HDAC4: variants seen among roughly 807,000 people sequenced by gnomAD.
The protein encoded by HDAC4 is histone deacetylase A.
A neutral mutation model predicts 135.1 loss-of-function variants in HDAC4; 16 were observed. That is an observed-to-expected ratio of 0.12 (90% confidence interval 0.08 to 0.18). The LOEUF is 0.18. Ranked by LOEUF, HDAC4 falls within the 10% of genes least tolerant of loss-of-function variation. HDAC4 has a pLI of 1.00. For missense variants in HDAC4, 1,143 were observed against 1,511.8 expected (o/e 0.76, Z 4.05); for synonymous variants, 685 against 653.4 (o/e 1.05, Z -0.74).
At chr2:239,158,004 G>A (rs1471781485) in intron 6 of HDAC4, among the ~76,000 whole-genome samples, 2 of 152,216 alleles carry the variant, frequency 1.3e-5, no homozygotes, top group African/African-American at 4.8e-5. Context: ...ACCCCAAGCA[G>A]CTTCTCGCTG....
Position 239,176,480 on chromosome 2 carries a change from C to T in HDAC4, c.423G>A (p.Gln141=). 6.2e-7 allele frequency: 1 copy of T among 1,613,580 alleles called. No individual in the cohort carries two copies. Among genetic ancestry groups the T allele is most frequent in the South Asian group, 1.1e-5 (1 of 91,072 alleles). The change falls in exon 5 of 27, where the codon CAG becomes CAA. Residue 141 remains glutamine (Q), a synonymous_variant. Transcript: ENST00000543185. The part of the protein sequence containing the change: ...QRKLERHRQE[Q]ELEKQHREQK... ...GCTCCCGGTGCTGCTTCTCCAGCTCCTGCTCCTGGCGGTGCCTCTCCAGCT... is the reference window on the plus strand; with the variant it reads ...GCTCCCGGTGCTGCTTCTCCAGCTCTTGCTCCTGGCGGTGCCTCTCCAGCT...
At position 239,308,991 on chromosome 2, in the gene HDAC4, G is replaced by A. The variant is rs962017964; in HGVS notation, c.22+43687C>T. 1.3e-5 allele frequency: 2 copies of A among 152,150 alleles called. No individual in the cohort carries two copies. The highest frequency in any genetic ancestry group is 4.8e-5 in the African/African-American group (2 of 41,422). 9.4% of individuals were successfully genotyped at this position (152,150 alleles called of 1,614,324 possible). On this transcript the variant is annotated intron_variant, in intron 2 of 26. Transcript: ENST00000543185. This position sits in a 1 kb window ranked among gnomAD's most constrained non-coding sequence, Gnocchi z 4.2. ...AACGGATTCTTGATAACAAGCCGCC[G>A]GCTCGCTGGAAGACACTGAGCAGTT...
At chr2:239,276,618 C>A (rs2050380952) in intron 2 of HDAC4, among the ~76,000 whole-genome samples, 1 of 152,202 alleles carries the variant, frequency 6.6e-6, no homozygotes, top group Non-Finnish European at 1.5e-5. Flanking sequence ...CAGGCCACTT[C>A]CTGGACATTG....
In HDAC4 at chr2:239,240,071, G is replaced by T. The variant is rs1461115679; in HGVS notation, c.23-3407C>A. Among the ~76,000 whole-genome samples, 2 of 152,264 alleles carry T rather than the reference G, an allele frequency of 1.3e-5. No individual in the cohort carries two copies. Among genetic ancestry groups the T allele is most frequent in the African/African-American group, 4.8e-5 (2 of 41,474 alleles). On this transcript the variant is annotated intron_variant, in intron 2 of 26. Coordinates refer to ENST00000543185, the MANE Select transcript of HDAC4 (RefSeq NM_001378414.1). This position sits in a 1 kb window ranked among gnomAD's most constrained non-coding sequence, Gnocchi z 4.5. ...GATGCCGCATCCCTCATTATGAAAG[G>T]CTGGGGCTCAGGGCAGCAGCCATGA...
chr2:239,391,320 G>T (rs1471565030), intron 1 of HDAC4, among the ~76,000 whole-genome samples: 1 of 152,214 alleles, frequency 6.6e-6, no homozygotes, highest in East Asian at 1.9e-4. Flanking sequence ...GCAGACGAGA[G>T]CTTGTTCTCA....
At chr2:239,124,871 G>A (rs1458194316) in intron 12 of HDAC4, among the ~76,000 whole-genome samples, 4 of 103,606 alleles carry the variant, frequency 3.9e-5, no homozygotes, top group Non-Finnish European at 5.9e-5. Context: ...GTGTGCTGGC[G>A]TGTGGCCGCG....
rs546507175 is a variant in HDAC4 at position 239,376,986 on chromosome 2, A to G, written c.-220+23992T>C. 1.4e-4 allele frequency among the ~76,000 whole-genome samples: 22 copies of G among 152,274 alleles called. 1 individual carries two copies. In the South Asian group the frequency reaches 2.9e-3, roughly 20 times the overall value. On this transcript the variant is annotated intron_variant, in intron 1 of 26. Transcript: ENST00000543185. ...TATTCCACGCCCGTCCCTCCTGGAC[A>G]TAGACCACTTCCTTACTCACACCAC...
chr2:239,246,859 C>T (rs568016836), intron 2 of HDAC4, among the ~76,000 whole-genome samples: 27 of 152,366 alleles, frequency 1.8e-4, no homozygotes, highest in African/African-American at 6.5e-4. Context: ...AGGATGTCCA[C>T]TGCCCAGTGG....
intron 5 of HDAC4, among the ~76,000 whole-genome samples, chr2:239,172,744 C>T (rs1309627331): frequency 2.0e-5 from 3 of 151,584 alleles, no homozygotes; most frequent in African/African-American, 7.3e-5. Flanking sequence ...AGAGAGTGAC[C>T]AAGAAAAACA....
intron 2 of HDAC4, among the ~76,000 whole-genome samples, chr2:239,337,268 ACT>A (rs1201158809): frequency 6.6e-6 from 1 of 152,048 alleles, no homozygotes; most frequent in Non-Finnish European, 1.5e-5. Context: ...TGCACGTGAG[ACT>A]CAGCTGTACT....
At chr2:239,155,460 C>A (rs1216687610) in intron 7 of HDAC4, 2 of 152,948 alleles carry the variant, frequency 1.3e-5, no homozygotes, top group Non-Finnish European at 2.9e-5. Context: ...TGGGACATGG[C>A]CGACCTGATA....
intron 2 of HDAC4, among the ~76,000 whole-genome samples, chr2:239,269,534 C>G (rs1025648773): frequency 1.3e-5 from 2 of 152,230 alleles, no homozygotes; most frequent in African/African-American, 4.8e-5. Flanking sequence ...CTCCATTCTT[C>G]AGAACCCCAG....
chr2:239,078,317 G>A (rs536328474), intron 22 of HDAC4, among the ~76,000 whole-genome samples: 15 of 152,252 alleles, frequency 9.9e-5, no homozygotes, highest in East Asian at 9.7e-4. Flanking sequence ...TCTTTTCTTC[G>A]TCTTAGGCTT....
chr2:239,362,697 C>T (rs367781975), intron 1 of HDAC4, among the ~76,000 whole-genome samples: 5 of 152,146 alleles, frequency 3.3e-5, no homozygotes, highest in Non-Finnish European at 1.5e-5. Context: ...CAGTCCAGAA[C>T]GCCAAATACA....
chr2:239,098,153 T>A (rs1271357387), intron 16 of HDAC4, among the ~76,000 whole-genome samples: 1 of 152,214 alleles, frequency 6.6e-6, no homozygotes, highest in Non-Finnish European at 1.5e-5. Flanking sequence ...CGATTATGCA[T>A]CCAAATGCAT....
intron 2 of HDAC4, among the ~76,000 whole-genome samples, chr2:239,263,799 G>A (rs942053541): frequency 1.3e-5 from 2 of 152,284 alleles, no homozygotes; most frequent in East Asian, 1.9e-4. Flanking sequence ...AGAGCAAGCC[G>A]CCTGCCTGGC....
chr2:239,058,933 T>C (rs557999244), intron 24 of HDAC4, among the ~76,000 whole-genome samples: 11 of 152,316 alleles, frequency 7.2e-5, no homozygotes, highest in African/African-American at 2.4e-4. Context: ...ACATGTGGAA[T>C]GTCTCTGCAG....
At chr2:239,312,235 A>C (rs1440554839) in intron 2 of HDAC4, among the ~76,000 whole-genome samples, 1 of 152,128 alleles carries the variant, frequency 6.6e-6, no homozygotes, top group East Asian at 1.9e-4. Context: ...CACGCTACAG[A>C]GGAAATGCAG....
Position 239,144,580 on chromosome 2 carries a change from T to C in HDAC4, c.865+3A>G, listed in dbSNP as rs1413172004. ...GGCGGGTGTACCTGCTCAGCCGACA[T>C]ACCTGTGACATCCAACGGACGCTTT... On this transcript the variant is annotated splice_donor_region_variant and intron_variant, in intron 8 of 26. Transcript: ENST00000543185. The C allele has an allele frequency of 6.2e-7, 1 of 1,613,646 alleles. No homozygotes were observed. The highest frequency in any genetic ancestry group is 1.1e-5 in the South Asian group (1 of 91,058).
Sources: gnomAD v4.1 joint callset for allele counts (sites outside exome capture counted in the v4.1 genomes callset) on GRCh38, gnomAD v4.1.1 for gene constraint, Gnocchi (gnomAD v3.1) non-coding constraint, MANE v1.5 for transcripts, NCBI Gene and HGNC (gene_info 2026-07-23, HGNC 2026-07-21) for gene names.